TTC29: variants seen among roughly 807,000 people sequenced by gnomAD.
TTC29 encodes the protein tetratricopeptide repeat domain 29.
TTC29 carries 49 observed loss-of-function variants against 58.1 expected under a neutral mutation model. The ratio of observed to expected loss-of-function variants is 0.84; its 90% CI spans 0.67 to 1.07. The LOEUF is 1.07. TTC29 is among the 50% of genes least tolerant of loss of function. The pLI is 0.00. For missense variants in TTC29, 582 were observed against 555.6 expected (o/e 1.05, Z -0.48); for synonymous variants, 209 against 196.8 (o/e 1.06, Z -0.52).
intron 11 of TTC29, among the ~76,000 whole-genome samples, chr4:146,714,001 A>C (rs1742734626): frequency 6.6e-6 from 1 of 152,126 alleles, no homozygotes; most frequent in Non-Finnish European, 1.5e-5. Flanking sequence ...TAAATCCCGC[A>C]ATTTTTTTCT....
chr4:146,902,122 T>C (rs1464225085), intron 6 of TTC29, among the ~76,000 whole-genome samples: 6 of 152,186 alleles, frequency 3.9e-5, no homozygotes, highest in African/African-American at 1.4e-4. Flanking sequence ...TTTATCCGAG[T>C]TAATTACATT....
intron 6 of TTC29, among the ~76,000 whole-genome samples, chr4:146,901,600 G>A (rs534713590): frequency 4.6e-5 from 7 of 152,150 alleles, no homozygotes; most frequent in African/African-American, 1.4e-4. Flanking sequence ...CCTTCTTGCT[G>A]GTCCTTAGGC....
chr4:146,881,574 G>T (rs1731627044), intron 6 of TTC29, among the ~76,000 whole-genome samples: 1 of 152,080 alleles, frequency 6.6e-6, no homozygotes, highest in Admixed American at 6.6e-5. Context: ...AGGGAAAAAT[G>T]TTATTGCCCC....
intron 6 of TTC29, among the ~76,000 whole-genome samples, chr4:146,897,526 T>A (rs956395066): frequency 6.6e-6 from 1 of 152,154 alleles, no homozygotes; most frequent in Admixed American, 6.5e-5. Context: ...CCTCTCCCGC[T>A]CCCTGCCACC....
At chr4:146,721,214 G>C (rs1166833041) in intron 11 of TTC29, among the ~76,000 whole-genome samples, 3 of 152,108 alleles carry the variant, frequency 2.0e-5, no homozygotes, top group Non-Finnish European at 4.4e-5. Flanking sequence ...AGTCTGCTGG[G>C]TTTCCATGGT....
chr4:146,902,763 A>G (rs1307067836), intron 6 of TTC29, among the ~76,000 whole-genome samples: 4 of 152,144 alleles, frequency 2.6e-5, no homozygotes, highest in African/African-American at 9.7e-5. Flanking sequence ...CTTTAGCTAC[A>G]ATCACATGAA....
intron 2 of TTC29, among the ~76,000 whole-genome samples, chr4:146,941,775 G>GA (rs1251061488): frequency 2.6e-5 from 4 of 152,166 alleles, no homozygotes; most frequent in East Asian, 1.9e-4. Context: ...CTTGCATCCT[G>GA]AAAAAATCAC....
At chr4:146,882,732 T>TC (rs1731716016) in intron 6 of TTC29, among the ~76,000 whole-genome samples, 2 of 152,104 alleles carry the variant, frequency 1.3e-5, no homozygotes, top group Non-Finnish European at 2.9e-5. Context: ...GTATCAGTAT[T>TC]GATTATTGAA....
intron 8 of TTC29, among the ~76,000 whole-genome samples, chr4:146,838,533 G>A: frequency 6.6e-6 from 1 of 151,212 alleles, no homozygotes; most frequent in East Asian, 1.9e-4. Context: ...AGACACATAG[G>A]AAGACATTAT....
intron 5 of TTC29, 109 bp from the exon 6 acceptor site, chr4:146,903,838 A>G: frequency 1.2e-6 from 1 of 806,456 alleles, no homozygotes; most frequent in Non-Finnish European, 1.7e-6. Flanking sequence ...TAAAGATGTG[A>G]TTACCAATTT....
intron 6 of TTC29, among the ~76,000 whole-genome samples, chr4:146,875,738 T>G (rs1455777807): frequency 6.6e-6 from 1 of 152,224 alleles, no homozygotes; most frequent in Non-Finnish European, 1.5e-5. Flanking sequence ...TGTTTAGTTT[T>G]GGATAATTAG....
chr4:146,748,904 T>C (rs1395591129), intron 11 of TTC29, among the ~76,000 whole-genome samples: 1 of 151,960 alleles, frequency 6.6e-6, no homozygotes, highest in Non-Finnish European at 1.5e-5. Flanking sequence ...AAAATAGAAA[T>C]CTATGAATTA....
At chr4:146,770,681 C>T (rs931211095) in intron 11 of TTC29, among the ~76,000 whole-genome samples, 2 of 152,000 alleles carry the variant, frequency 1.3e-5, no homozygotes, top group Non-Finnish European at 2.9e-5. Flanking sequence ...ATTCTGCAAT[C>T]AAACAAACCT....
At chr4:146,773,448 A>C (rs1747872097) in intron 11 of TTC29, among the ~76,000 whole-genome samples, 2 of 152,100 alleles carry the variant, frequency 1.3e-5, no homozygotes, top group African/African-American at 2.4e-5. Context: ...TTTTATTGAA[A>C]ACATTTTCTG....
intron 11 of TTC29, among the ~76,000 whole-genome samples, chr4:146,780,323 G>A (rs1446165489): frequency 6.6e-6 from 1 of 151,042 alleles, no homozygotes; most frequent in South Asian, 2.1e-4. Context: ...GTGTGTGTGT[G>A]TGTGTGTGTG....
At chr4:146,894,461 A>G (rs1341533710) in intron 6 of TTC29, among the ~76,000 whole-genome samples, 1 of 147,444 alleles carries the variant, frequency 6.8e-6, no homozygotes, top group East Asian at 2.2e-4. Flanking sequence ...GTTCTCACTC[A>G]TAGGTGGGAA....
intron 11 of TTC29, among the ~76,000 whole-genome samples, chr4:146,708,280 C>A (rs1742134260): frequency 2.6e-5 from 3 of 116,600 alleles, no homozygotes; most frequent in South Asian, 2.7e-4. Flanking sequence ...TATAAAGTAC[C>A]CAAATAATGA....
intron 7 of TTC29, among the ~76,000 whole-genome samples, chr4:146,872,222 C>T (rs555752299): frequency 6.6e-6 from 1 of 152,054 alleles, no homozygotes. Flanking sequence ...GTACCCTCCT[C>T]ACACCACATG....
chr4:146,782,087 C>CT (rs1246272920), intron 11 of TTC29, among the ~76,000 whole-genome samples: 1 of 151,580 alleles, frequency 6.6e-6, no homozygotes, highest in Non-Finnish European at 1.5e-5. Flanking sequence ...TTTTTTGAGT[C>CT]TAGAGGTGCA....
Sources: allele counts gnomAD v4.1 joint callset (sites outside exome capture counted in the v4.1 genomes callset), GRCh38; gene constraint gnomAD v4.1.1; transcripts MANE v1.5; gene names NCBI Gene and HGNC (gene_info 2026-07-23, HGNC 2026-07-21).